The following ATRN variants were observed in gnomAD, a reference collection of about 807,000 sequenced individuals.
The protein encoded by ATRN is attractin-2.
In ATRN, 54 loss-of-function variants were observed where a neutral mutation model predicts 178.7. The ratio of observed to expected loss-of-function variants is 0.30; its 90% CI spans 0.24 to 0.38. The LOEUF is 0.38. Ranked by LOEUF, ATRN falls within the 10% of genes least tolerant of loss-of-function variation. ATRN has a pLI of 1.00. For synonymous variants in ATRN, 636 were observed against 663.0 expected (o/e 0.96, Z 0.63); for missense variants, 1,443 against 1,815.1 (o/e 0.79, Z 3.73).
intron 1 of ATRN, among the ~76,000 whole-genome samples, chr20:3,531,194 G>A (rs1011977738): frequency 6.6e-6 from 1 of 152,094 alleles, no homozygotes; most frequent in Non-Finnish European, 1.5e-5. Context: ...CCATTTATTA[G>A]AACACAGGGA....
chr20:3,472,449 G>C (rs2084445149), intron 1 of ATRN, among the ~76,000 whole-genome samples: 1 of 152,188 alleles, frequency 6.6e-6, no homozygotes, highest in Non-Finnish European at 1.5e-5. Context: ...GGGGAGTGGG[G>C]AAATGTGAAC....
chr20:3,619,965 C>T (rs2146311352), intron 24 of ATRN, among the ~76,000 whole-genome samples: 1 of 152,272 alleles, frequency 6.6e-6, no homozygotes, highest in East Asian at 1.9e-4. Context: ...CATTCCCAGG[C>T]ACTTTCAGAA....
At chr20:3,570,052 T>C (rs567898964) in intron 11 of ATRN, among the ~76,000 whole-genome samples, 1 of 150,864 alleles carries the variant, frequency 6.6e-6, no homozygotes, top group South Asian at 2.1e-4. Context: ...GTCTGAGTAA[T>C]GGAGCAAGAC....
In ATRN at chr20:3,547,399, C is replaced by T. The variant is rs1231058647; in HGVS notation, c.853C>T (p.Pro285Ser). 1.3e-5 allele frequency: 21 copies of T among 1,613,878 alleles called. No individual in the cohort carries two copies. The highest frequency in any genetic ancestry group is 1.8e-5 in the Non-Finnish European group (21 of 1,179,866). ...ENWKGEACDI[P>S]HCTDNCGFPH... ...CTGGAAAGGTGAAGCATGTGACATT[C>T]CTCACTGTACAGACAACTGTGGTTT... The change falls in exon 5 of 29, where the codon CCT becomes TCT. Residue 285 changes from proline to serine, a missense_variant. Physicochemically the swap from Pro to Ser is moderately conservative, Grantham distance 74. This residue lies in a region of ATRN where 862 missense variants were observed against 972.1 expected (regional missense o/e 0.89). Transcript: ENST00000262919.
At chr20:3,496,981 A>C (rs1348025595) in intron 1 of ATRN, among the ~76,000 whole-genome samples, 1 of 151,780 alleles carries the variant, frequency 6.6e-6, no homozygotes, top group Non-Finnish European at 1.5e-5. Flanking sequence ...CTAGGATTGC[A>C]ACCCCTGCCT....
At chr20:3,629,863 G>A (rs985472412) in intron 25 of ATRN, among the ~76,000 whole-genome samples, 8 of 152,180 alleles carry the variant, frequency 5.3e-5, no homozygotes, top group Non-Finnish European at 8.8e-5. Flanking sequence ...GCTCTTTCAT[G>A]CCGTCTCTGG....
intron 1 of ATRN, among the ~76,000 whole-genome samples, chr20:3,522,228 T>C (rs554970311): frequency 6.6e-6 from 1 of 152,350 alleles, no homozygotes; most frequent in South Asian, 2.1e-4. Context: ...TGAATGAAAG[T>C]GTAAACACAG....
At chr20:3,568,073 G>A (rs1317578033) in intron 11 of ATRN, among the ~76,000 whole-genome samples, 1 of 148,578 alleles carries the variant, frequency 6.7e-6, no homozygotes, top group Non-Finnish European at 1.5e-5. Context: ...GGTGGATCAC[G>A]AGGTCAGGAG....
At chr20:3,609,753 TAA>T (rs141350265) in intron 24 of ATRN, among the ~76,000 whole-genome samples, 7,970 of 149,796 alleles carry the variant, frequency 0.053, 597 homozygotes, top group African/African-American at 0.17. Context: ...TGTGTGTGTA[TAA>T]AATAAAATGT....
At position 3,646,870 on chromosome 20, in the gene ATRN, A is replaced by C; in HGVS notation, c.*23A>C. 6.2e-7 allele frequency: 1 copy of C among 1,612,260 alleles called. No individual in the cohort carries two copies. The highest frequency in any genetic ancestry group is 8.5e-7 in the Non-Finnish European group (1 of 1,179,294). On this transcript the variant is annotated 3_prime_UTR_variant, in exon 29 of 29. Coordinates refer to ENST00000262919, the MANE Select transcript of ATRN (RefSeq NM_139321.3). The stretch of plus-strand genomic sequence containing the variant: ...TGATGCTGGGGCCAGGGACTCTCCC[A>C]CGCACGAGCTAGTGAGTGGCACACC...
At chr20:3,592,942 C>T (rs1487804119) in intron 19 of ATRN, among the ~76,000 whole-genome samples, 1 of 152,220 alleles carries the variant, frequency 6.6e-6, no homozygotes, top group Non-Finnish European at 1.5e-5. Flanking sequence ...GTTTTCCCCA[C>T]TCTTTGTGAA....
At chr20:3,620,776 C>T (rs907358575) in intron 24 of ATRN, among the ~76,000 whole-genome samples, 7 of 152,130 alleles carry the variant, frequency 4.6e-5, no homozygotes, top group Non-Finnish European at 1.0e-4. Flanking sequence ...TCTTCTACAA[C>T]AGTAATTTAA....
chr20:3,554,771 A>G (rs1163198009), intron 6 of ATRN, among the ~76,000 whole-genome samples: 2 of 152,076 alleles, frequency 1.3e-5, no homozygotes, highest in South Asian at 2.1e-4. Context: ...TTGTTACCCA[A>G]TGGTCCTCTT....
At chr20:3,612,015 C>T (rs1035600937) in intron 24 of ATRN, among the ~76,000 whole-genome samples, 1 of 152,138 alleles carries the variant, frequency 6.6e-6, no homozygotes, top group Non-Finnish European at 1.5e-5. Flanking sequence ...AAATGAAAAC[C>T]AGTGTTCTCA....
chr20:3,600,264 G>C (rs916204647), intron 22 of ATRN, among the ~76,000 whole-genome samples: 1 of 152,106 alleles, frequency 6.6e-6, no homozygotes, highest in Admixed American at 6.6e-5. Flanking sequence ...AATAAATTAA[G>C]TTAGATTAGC....
At chr20:3,539,123 A>G (rs2085582684) in intron 2 of ATRN, among the ~76,000 whole-genome samples, 1 of 152,180 alleles carries the variant, frequency 6.6e-6, no homozygotes, top group Non-Finnish European at 1.5e-5. Flanking sequence ...CAACCTAGAG[A>G]TGTTAGAAAA....
chr20:3,536,546 A>G (rs2085536222), intron 2 of ATRN, among the ~76,000 whole-genome samples: 1 of 152,014 alleles, frequency 6.6e-6, no homozygotes. Context: ...TGTGTTCACC[A>G]TATTAGAACT....
At chr20:3,630,170 G>A (rs553126400) in intron 25 of ATRN, among the ~76,000 whole-genome samples, 4 of 152,116 alleles carry the variant, frequency 2.6e-5, no homozygotes, top group South Asian at 2.1e-4. Flanking sequence ...AGACACTCCT[G>A]TCCCTCTGAA....
intron 1 of ATRN, among the ~76,000 whole-genome samples, chr20:3,482,456 C>T (rs1163984621): frequency 6.6e-6 from 1 of 152,088 alleles, no homozygotes; most frequent in Non-Finnish European, 1.5e-5. Flanking sequence ...AAAATGATAG[C>T]GATTTTCAGC....
Sources: allele counts gnomAD v4.1 joint callset (sites outside exome capture counted in the v4.1 genomes callset), GRCh38; gene constraint gnomAD v4.1.1; regional missense constraint gnomAD v4.1.1; transcripts MANE v1.5; gene names NCBI Gene and HGNC (gene_info 2026-07-23, HGNC 2026-07-21).